Variants in SAMD5 observed in about 807,000 individuals in gnomAD.
The protein encoded by SAMD5 is sterile alpha motif domain-containing protein 5.
Under a neutral mutation model 11.3 loss-of-function variants are expected in SAMD5, and 13 were observed. The ratio of observed to expected loss-of-function variants is 1.15; its 90% CI spans 0.75 to 1.83. SAMD5 has a LOEUF of 1.83. Ranked by LOEUF, SAMD5 falls within the 40% of genes most tolerant of loss-of-function variation. The pLI, the probability that SAMD5 is intolerant of heterozygous loss-of-function variation, is 0.00. For synonymous variants in SAMD5, 129 were observed against 111.3 expected (o/e 1.16, Z -1.00); for missense variants, 255 against 239.1 (o/e 1.07, Z -0.44).
At chr6:147,511,223 C>T (rs752328253) in intron 1 of SAMD5, among the ~76,000 whole-genome samples, 14 of 152,190 alleles carry the variant, frequency 9.2e-5, no homozygotes, top group Non-Finnish European at 1.5e-4. Context: ...CTTGAAGTGA[C>T]ACATTTTAGT....
chr6:147,871,570 T>C, the SAMD5 span, among the ~76,000 whole-genome samples: 72 of 152,206 alleles, frequency 4.7e-4, no homozygotes, highest in Non-Finnish European at 4.6e-4. Flanking sequence ...AGTTAGGAAA[T>C]TTTATTTGTC....
At chr6:147,520,117 G>GTT (rs10632543) in intron 1 of SAMD5, among the ~76,000 whole-genome samples, 40,070 of 136,670 alleles carry the variant, frequency 0.29, 6,077 homozygotes, top group East Asian at 0.41. Flanking sequence ...GAACTTTATA[G>GTT]TTTTTTTTTT....
intron 1 of SAMD5, among the ~76,000 whole-genome samples, chr6:147,620,962 CTGTGTGTG>C (rs78040354): frequency 2.3e-4 from 29 of 128,452 alleles, no homozygotes; most frequent in African/African-American, 6.4e-4. Flanking sequence ...GTATGTGCCT[CTGTGTGTG>C]TGTGTGTGTG....
chr6:147,901,588 A>G, the SAMD5 span, among the ~76,000 whole-genome samples: 15 of 150,498 alleles, frequency 1.0e-4, no homozygotes, highest in Non-Finnish European at 2.2e-4. Flanking sequence ...CATTTCTATT[A>G]TACTCAGGGT....
chr6:147,799,079 A>G, the SAMD5 span, among the ~76,000 whole-genome samples: 1 of 151,636 alleles, frequency 6.6e-6, no homozygotes, highest in Non-Finnish European at 1.5e-5. Flanking sequence ...TTTAAAGTTA[A>G]TAGTGTTATG....
the SAMD5 span, among the ~76,000 whole-genome samples, chr6:147,809,772 C>G: frequency 6.6e-6 from 1 of 152,300 alleles, no homozygotes; most frequent in Admixed American, 6.5e-5. Flanking sequence ...ACATTTGTAG[C>G]CAGATCATTC....
intron 1 of SAMD5, among the ~76,000 whole-genome samples, chr6:147,549,589 T>C (rs1460552995): frequency 6.6e-6 from 1 of 152,164 alleles, no homozygotes; most frequent in Non-Finnish European, 1.5e-5. Context: ...AGCCAACCCC[T>C]TCACACATCG....
At chr6:147,793,489 AC>A in the SAMD5 span, among the ~76,000 whole-genome samples, 1 of 152,168 alleles carries the variant, frequency 6.6e-6, no homozygotes, top group Non-Finnish European at 1.5e-5. Context: ...TAAAGTATAG[AC>A]TTTAGTTAAT....
chr6:147,662,491 G>C (rs1046386852), intron 1 of SAMD5, among the ~76,000 whole-genome samples: 1 of 152,228 alleles, frequency 6.6e-6, no homozygotes, highest in African/African-American at 2.4e-5. Flanking sequence ...AAAATTACAT[G>C]AATTAGGAAA....
At chr6:147,797,520 T>C in the SAMD5 span, among the ~76,000 whole-genome samples, 206 of 65,630 alleles carry the variant, frequency 3.1e-3, 30 homozygotes, top group African/African-American at 0.033. Context: ...GATATTGGTC[T>C]AATATTCTCT....
At chr6:147,649,594 C>G (rs34162154) in intron 1 of SAMD5, among the ~76,000 whole-genome samples, 13,497 of 152,114 alleles carry the variant, frequency 0.089, 892 homozygotes, top group East Asian at 0.26. Context: ...GAGTTCGAGA[C>G]CAGCCTGGCC....
intron 1 of SAMD5, among the ~76,000 whole-genome samples, chr6:147,602,137 A>G (rs924071675): frequency 2.0e-5 from 3 of 152,202 alleles, no homozygotes; most frequent in Non-Finnish European, 2.9e-5. Context: ...ACAGATTGAG[A>G]ACTACATAAC....
At chr6:147,924,712 T>TTA in the SAMD5 span, among the ~76,000 whole-genome samples, 230 of 151,476 alleles carry the variant, frequency 1.5e-3, 1 homozygote, top group African/African-American at 5.3e-3. Flanking sequence ...AATTCATAAA[T>TTA]TATATATATA....
At chr6:147,949,112 A>G in the SAMD5 span, among the ~76,000 whole-genome samples, 3 of 152,350 alleles carry the variant, frequency 2.0e-5, no homozygotes, top group Admixed American at 2.0e-4. Flanking sequence ...CCTGCTTAAC[A>G]ACAGGCTGAA....
At chr6:147,517,812 G>A (rs993950115) in intron 1 of SAMD5, among the ~76,000 whole-genome samples, 10 of 151,596 alleles carry the variant, frequency 6.6e-5, no homozygotes, top group African/African-American at 2.2e-4. Context: ...GCAGTTAAGA[G>A]TAATGACATT....
the SAMD5 span, among the ~76,000 whole-genome samples, chr6:147,823,682 A>C: frequency 6.6e-6 from 1 of 152,226 alleles, no homozygotes; most frequent in African/African-American, 2.4e-5. Flanking sequence ...AGGCACAAGA[A>C]CTGAACGGGA....
chr6:147,675,706 C>T (rs1790853265), intron 1 of SAMD5, among the ~76,000 whole-genome samples: 1 of 151,982 alleles, frequency 6.6e-6, no homozygotes, highest in African/African-American at 2.4e-5. Context: ...TTGATTGGTC[C>T]AGTAATATAA....
the SAMD5 span, among the ~76,000 whole-genome samples, chr6:147,881,123 C>A: frequency 2.0e-5 from 3 of 152,146 alleles, no homozygotes; most frequent in Non-Finnish European, 4.4e-5. Context: ...CTATCTCAAC[C>A]CAGCAGTGGC....
At chr6:147,659,152 A>G (rs1790611397) in intron 1 of SAMD5, among the ~76,000 whole-genome samples, 1 of 152,220 alleles carries the variant, frequency 6.6e-6, no homozygotes, top group South Asian at 2.1e-4. Flanking sequence ...TAATTGGCAG[A>G]TGGCACTTGG....
Sources: allele counts gnomAD v4.1 joint callset (sites outside exome capture counted in the v4.1 genomes callset), GRCh38; gene constraint gnomAD v4.1.1; transcripts MANE v1.5; gene names NCBI Gene and HGNC (gene_info 2026-07-23, HGNC 2026-07-21).